Variants in ACYP2 observed in about 807,000 individuals in gnomAD.
ACYP2 encodes the protein acylphosphatase 2.
ACYP2 carries 12 observed loss-of-function variants against 11.2 expected under a neutral mutation model. The observed-to-expected ratio is 1.08, with a 90% CI of 0.69 to 1.74. The LOEUF (loss-of-function observed/expected upper bound fraction) is 1.74, where lower values mean the gene tolerates loss of function less well. Among genes scored for constraint, ACYP2 ranks in the 40% most tolerant of loss-of-function variants. The pLI is 0.00. For missense variants in ACYP2, 134 were observed against 101.9 expected (o/e 1.31, Z -1.35); for synonymous variants, 43 against 32.2 (o/e 1.33, Z -1.13).
intron 2 of ACYP2, among the ~76,000 whole-genome samples, chr2:54,011,027 A>C (rs1463002039): frequency 6.6e-6 from 1 of 151,990 alleles, no homozygotes; most frequent in East Asian, 1.9e-4. Flanking sequence ...AAGGTGAGGA[A>C]CAAAGAAAGG....
chr2:54,090,290 T>G (rs976566906), intron 4 of ACYP2, among the ~76,000 whole-genome samples: 2 of 152,150 alleles, frequency 1.3e-5, no homozygotes, highest in African/African-American at 2.4e-5. Context: ...GCTTTTCTAC[T>G]GCATGAACCT....
chr2:54,056,533 A>G (rs1416356290), intron 3 of ACYP2, among the ~76,000 whole-genome samples: 1 of 152,210 alleles, frequency 6.6e-6, no homozygotes, highest in Non-Finnish European at 1.5e-5. Flanking sequence ...AGATGGTAAA[A>G]TAAGTATCAA....
chr2:54,090,805 T>C (rs1253258015), intron 4 of ACYP2, among the ~76,000 whole-genome samples: 2 of 152,200 alleles, frequency 1.3e-5, no homozygotes, highest in Non-Finnish European at 1.5e-5. Context: ...CTCTGTATCA[T>C]TGTCCTGGGC....
chr2:54,018,625 C>G (rs867643498), intron 2 of ACYP2, among the ~76,000 whole-genome samples: 2 of 152,074 alleles, frequency 1.3e-5, no homozygotes, highest in African/African-American at 4.8e-5. Context: ...ACAATCTGGA[C>G]AACATAGCGG....
chr2:54,177,017 T>C (rs1413139116), intron 6 of ACYP2, among the ~76,000 whole-genome samples: 3 of 152,218 alleles, frequency 2.0e-5, no homozygotes, highest in African/African-American at 7.2e-5. Context: ...TCTCAGAATC[T>C]TTGTGCTAGG....
chr2:54,138,762 TTAA>T lies in ACYP2; in HGVS notation c.404+18_404+20del. 1 of 1,593,122 alleles carries T rather than the reference TTAA, an allele frequency of 6.3e-7. No individual in the cohort carries two copies. The highest frequency in any genetic ancestry group is 8.6e-7 in the Non-Finnish European group (1 of 1,163,624). On this transcript the variant is annotated intron_variant, in intron 6 of 6. Coordinates refer to ENST00000607452, the MANE Select transcript of ACYP2 (RefSeq NM_001320586.2). ...AGTCAATTCCATGTGAGTAGTAAAATTAATAACATGTACATGAAATTTATGAGG... is the reference window on the plus strand; with the variant it reads ...AGTCAATTCCATGTGAGTAGTAAAATTAACATGTACATGAAATTTATGAGG...
intron 6 of ACYP2, chr2:54,253,596 C>T (rs903984769): frequency 6.6e-6 from 1 of 152,206 alleles, no homozygotes; most frequent in South Asian, 2.1e-4. Flanking sequence ...AAAAAAAGTA[C>T]TTCTCTTCCC....
At chr2:54,043,370 G>C (rs1210251510) in intron 2 of ACYP2, among the ~76,000 whole-genome samples, 2 of 152,136 alleles carry the variant, frequency 1.3e-5, no homozygotes, top group African/African-American at 4.8e-5. Flanking sequence ...TGCATTTTTG[G>C]TTATCACAGT....
At chr2:54,049,534 T>C (rs913625221) in intron 2 of ACYP2, among the ~76,000 whole-genome samples, 1 of 152,220 alleles carries the variant, frequency 6.6e-6, no homozygotes, top group Non-Finnish European at 1.5e-5. Flanking sequence ...TGTTTGCTTA[T>C]GCTTTAATGT....
intron 6 of ACYP2, among the ~76,000 whole-genome samples, chr2:54,174,423 G>T (rs1331419464): frequency 6.6e-6 from 1 of 152,060 alleles, no homozygotes; most frequent in Non-Finnish European, 1.5e-5. Context: ...GGAGATTTTG[G>T]GCTGAGACGA....
chr2:54,007,348 G>A (rs1466376150), intron 2 of ACYP2, among the ~76,000 whole-genome samples: 2 of 151,008 alleles, frequency 1.3e-5, no homozygotes, highest in East Asian at 4.1e-4. Context: ...CTGCCTCCCG[G>A]GTCCAAGTGA....
At chr2:54,176,689 C>T (rs1683474582) in intron 6 of ACYP2, among the ~76,000 whole-genome samples, 1 of 152,162 alleles carries the variant, frequency 6.6e-6, no homozygotes, top group Admixed American at 6.5e-5. Context: ...CCACCTCTAC[C>T]TTCACGATGA....
At chr2:54,038,935 G>A (rs2104561102) in intron 2 of ACYP2, among the ~76,000 whole-genome samples, 1 of 152,060 alleles carries the variant, frequency 6.6e-6, no homozygotes, top group African/African-American at 2.4e-5. Flanking sequence ...GGTTAACAGG[G>A]AAGGGCTCAC....
intron 4 of ACYP2, among the ~76,000 whole-genome samples, chr2:54,132,720 C>T (rs1367019733): frequency 6.6e-6 from 1 of 151,622 alleles, no homozygotes. Context: ...GCAACATTCA[C>T]CTTTTATAGT....
At chr2:54,021,927 G>A (rs1406165883) in intron 2 of ACYP2, among the ~76,000 whole-genome samples, 3 of 152,000 alleles carry the variant, frequency 2.0e-5, no homozygotes, top group Admixed American at 6.6e-5. Context: ...TTAAGTGCTC[G>A]GGCAGCATAA....
At chr2:54,181,877 T>A (rs1260475141) in intron 6 of ACYP2, among the ~76,000 whole-genome samples, 1 of 152,058 alleles carries the variant, frequency 6.6e-6, no homozygotes, top group Non-Finnish European at 1.5e-5. Flanking sequence ...AAACTTTTTT[T>A]TGTTGTAAAA....
intron 4 of ACYP2, among the ~76,000 whole-genome samples, chr2:54,125,415 A>G (rs1680431608): frequency 6.6e-6 from 1 of 152,060 alleles, no homozygotes; most frequent in African/African-American, 2.4e-5. Flanking sequence ...CAAAAATCCC[A>G]AAAATATAAT....
chr2:54,222,150 C>T (rs1389187176), intron 6 of ACYP2, among the ~76,000 whole-genome samples: 1 of 152,150 alleles, frequency 6.6e-6, no homozygotes, highest in Non-Finnish European at 1.5e-5. Context: ...AGCCTCACAG[C>T]TAGGAAAGGG....
intron 6 of ACYP2, among the ~76,000 whole-genome samples, chr2:54,150,097 A>C (rs1558570772): frequency 6.6e-6 from 1 of 152,258 alleles, no homozygotes; most frequent in African/African-American, 2.4e-5. Context: ...GGAGTAGTCT[A>C]GATCAGGGAT....
Sources: gnomAD v4.1 joint callset for allele counts (sites outside exome capture counted in the v4.1 genomes callset) on GRCh38, gnomAD v4.1.1 for gene constraint, MANE v1.5 for transcripts, NCBI Gene and HGNC (gene_info 2026-07-23, HGNC 2026-07-21) for gene names.